YPEL1: variants seen among roughly 807,000 people sequenced by gnomAD.
YPEL1 encodes yippee like 1, also known as protein yippee-like 1.
YPEL1 carries 7 observed loss-of-function variants against 17.3 expected under a neutral mutation model. That is an observed-to-expected ratio of 0.40 (90% CI 0.23 to 0.76). The LOEUF (loss-of-function observed/expected upper bound fraction) is 0.76, where lower values mean the gene tolerates loss of function less well. Ranked by LOEUF, YPEL1 falls within the 30% of genes least tolerant of loss-of-function variation. The probability of loss-of-function intolerance (pLI) is 0.35; values close to 1 mark genes in which losing one functional copy is unlikely to be tolerated. For synonymous variants in YPEL1, 59 were observed against 59.6 expected, an observed-to-expected ratio of 0.99 and a Z score of 0.05; for missense variants, 91 against 155.5, an observed-to-expected ratio of 0.59 and a Z score of 2.21.
rs1401538385 is a variant in YPEL1 at position 21,700,770 on chromosome 22, C to T, written c.*359G>A. 18 of 172,384 alleles carry T rather than the reference C, an allele frequency of 1.0e-4. No individual in the cohort carries two copies. Among genetic ancestry groups the T allele is most frequent in the Admixed American group, 5.9e-4 (10 of 16,872 alleles). 10.7% of individuals were successfully genotyped at this position (172,384 alleles called of 1,614,324 possible). Reference sequence around the variant, plus strand: ...GATTACAGGCGTGAGCCACCGCACCCGGCCCCAGTTTGGTTTTCAACTGAA... The same window carrying T: ...GATTACAGGCGTGAGCCACCGCACCTGGCCCCAGTTTGGTTTTCAACTGAA... On this transcript the variant is annotated 3_prime_UTR_variant, in exon 5 of 5. Coordinates refer to ENST00000339468, the MANE Select transcript of YPEL1 (RefSeq NM_013313.5).
At chr22:21,719,691 T>C (rs1569063623) in intron 1 of YPEL1, among the ~76,000 whole-genome samples, 1 of 151,242 alleles carries the variant, frequency 6.6e-6, no homozygotes, top group Admixed American at 6.6e-5. Flanking sequence ...TCGAGACCAG[T>C]CTGGACAACA....
At chr22:21,701,241 T>A in intron 4 of YPEL1, 23 bp from the exon 5 acceptor site, 1 of 1,591,410 alleles carries the variant, frequency 6.3e-7, no homozygotes, top group Non-Finnish European at 8.6e-7. Flanking sequence ...GAGACAAAGG[T>A]TTCAGGACAG....
intron 2 of YPEL1, among the ~76,000 whole-genome samples, chr22:21,706,701 C>T (rs2068119389): frequency 6.6e-6 from 1 of 151,778 alleles, no homozygotes; most frequent in Non-Finnish European, 1.5e-5. Context: ...TAAAAATTAG[C>T]AGGGCATGGT....
intron 1 of YPEL1, among the ~76,000 whole-genome samples, chr22:21,712,905 CCTA>C (rs2068184515): frequency 6.6e-6 from 1 of 151,838 alleles, no homozygotes; most frequent in Non-Finnish European, 1.5e-5. Context: ...TTAAGAAACT[CCTA>C]CAACTCAACA....
chr22:21,713,599 A>G (rs1258391364), intron 1 of YPEL1, among the ~76,000 whole-genome samples: 1 of 152,166 alleles, frequency 6.6e-6, no homozygotes, highest in Non-Finnish European at 1.5e-5. Flanking sequence ...TCCCCGCTTC[A>G]TGGGTGCAGT....
Position 21,703,673 on chromosome 22 carries a change from A to G in YPEL1, c.161+166T>C, listed in dbSNP as rs1425831842. 7.1e-6 allele frequency among the ~76,000 whole-genome samples: 1 copy of G among 140,044 alleles called. No homozygotes were observed. Among genetic ancestry groups the G allele is most frequent in the Non-Finnish European group, 1.6e-5 (1 of 64,090 alleles). The allele number at this position is 140,044 out of a possible 152,430, so 91.9% of individuals were successfully genotyped here. A position where few individuals can be genotyped will look rare whatever the true frequency, so the allele number is the denominator to read the frequency against. On this transcript the variant is annotated intron_variant, in intron 3 of 4. Transcript: ENST00000339468. The surrounding 1 kb of genome is among the most constrained non-coding windows in gnomAD (Gnocchi z 6.1). ...GGAAAGATCAGTGATGGGACAGGCT[A>G]GGGGGCAAGATCCTTAGCGCGTTTC...
At chr22:21,730,570 G>A (rs1337111772) in intron 1 of YPEL1, among the ~76,000 whole-genome samples, 2 of 152,176 alleles carry the variant, frequency 1.3e-5, no homozygotes, top group Non-Finnish European at 2.9e-5. Context: ...TCACAGGTGT[G>A]GAAAGGTCTG....
At chr22:21,715,523 C>A (rs1439040857) in intron 1 of YPEL1, among the ~76,000 whole-genome samples, 6 of 151,758 alleles carry the variant, frequency 4.0e-5, no homozygotes, top group African/African-American at 7.3e-5. Context: ...AACAAACAAA[C>A]AAAAAAACCC....
intron 1 of YPEL1, among the ~76,000 whole-genome samples, chr22:21,716,784 A>G (rs944031481): frequency 2.6e-5 from 4 of 152,260 alleles, no homozygotes; most frequent in African/African-American, 9.6e-5. Context: ...ATGCCCCATG[A>G]GCAAGGACAG....
intron 1 of YPEL1, among the ~76,000 whole-genome samples, chr22:21,726,387 C>T (rs2068335508): frequency 6.6e-6 from 1 of 152,196 alleles, no homozygotes; most frequent in African/African-American, 2.4e-5. Context: ...AATTCTCAGG[C>T]CGTTGAATTC....
At chr22:21,715,120 A>G (rs2068208611) in intron 1 of YPEL1, among the ~76,000 whole-genome samples, 1 of 152,214 alleles carries the variant, frequency 6.6e-6, no homozygotes, top group Admixed American at 6.5e-5. Context: ...ACACATACAT[A>G]TACATATATG....
At chr22:21,729,407 G>C (rs2148615228) in intron 1 of YPEL1, among the ~76,000 whole-genome samples, 1 of 148,474 alleles carries the variant, frequency 6.7e-6, no homozygotes, top group African/African-American at 2.5e-5. Context: ...AGGAGTTCAA[G>C]ATCAGCCTGG....
chr22:21,720,716 C>A (rs2068272681), intron 1 of YPEL1, among the ~76,000 whole-genome samples: 1 of 151,544 alleles, frequency 6.6e-6, no homozygotes, highest in Admixed American at 6.6e-5. Context: ...TCTCAAACTC[C>A]TGACCTCACA....
At chr22:21,724,729 C>T (rs371194991) in intron 1 of YPEL1, among the ~76,000 whole-genome samples, 36 of 138,556 alleles carry the variant, frequency 2.6e-4, no homozygotes, top group African/African-American at 8.9e-4. Context: ...GACAGGTGTG[C>T]GCCACCACAC....
chr22:21,714,127 C>T (rs139790417), intron 1 of YPEL1, among the ~76,000 whole-genome samples: 224 of 152,110 alleles, frequency 1.5e-3, no homozygotes, highest in African/African-American at 4.8e-3. Flanking sequence ...ACGGCGTCTG[C>T]CCCCCACCTG....
chr22:21,709,993 A>T (rs1302296260), intron 2 of YPEL1, among the ~76,000 whole-genome samples: 1 of 152,098 alleles, frequency 6.6e-6, no homozygotes, highest in Non-Finnish European at 1.5e-5. Context: ...TGTCATTCCG[A>T]CTGAGCATCA....
intron 1 of YPEL1, among the ~76,000 whole-genome samples, chr22:21,719,951 G>A (rs535278484): frequency 6.6e-6 from 1 of 151,160 alleles, no homozygotes; most frequent in South Asian, 2.1e-4. Context: ...GGCGGAGGTT[G>A]CAGGGAGCCA....
At position 21,699,914 on chromosome 22, in the gene YPEL1, G is replaced by T. The variant is rs1172505291; in HGVS notation, c.*1215C>A. Reference sequence around the variant, plus strand: ...CTGTGAGGCTGTCACCTCAGTAAGGGCACCTCTGCGGGCCCCGGGACAGCC... The same window carrying T: ...CTGTGAGGCTGTCACCTCAGTAAGGTCACCTCTGCGGGCCCCGGGACAGCC... On this transcript the variant is annotated 3_prime_UTR_variant, in exon 5 of 5. Coordinates refer to ENST00000339468, the MANE Select transcript of YPEL1 (RefSeq NM_013313.5). 6.6e-6 allele frequency: 1 copy of T among 152,392 alleles called. No homozygotes were observed. Among genetic ancestry groups the T allele is most frequent in the Non-Finnish European group, 1.5e-5 (1 of 68,028 alleles). The allele number at this position is 152,392 out of a possible 1,614,324, so 9.4% of individuals were successfully genotyped here.
intron 1 of YPEL1, among the ~76,000 whole-genome samples, chr22:21,728,338 A>G (rs1475457317): frequency 6.6e-6 from 1 of 152,076 alleles, no homozygotes; most frequent in African/African-American, 2.4e-5. Context: ...GAAAGATGAA[A>G]AGGCCACCGC....
Sources: gnomAD v4.1 joint callset for allele counts (sites outside exome capture counted in the v4.1 genomes callset) on GRCh38, gnomAD v4.1.1 for gene constraint, Gnocchi (gnomAD v3.1) non-coding constraint, MANE v1.5 for transcripts, NCBI Gene and HGNC (gene_info 2026-07-23, HGNC 2026-07-21) for gene names.